Variants in CA1 observed in about 807,000 individuals in gnomAD.
CA1 encodes carbonic anhydrase 1.
A neutral mutation model predicts 28.8 loss-of-function variants in CA1; 27 were observed. The ratio of observed to expected loss-of-function variants is 0.94; its 90% CI spans 0.69 to 1.29. CA1 has a LOEUF of 1.29. Among genes scored for constraint, CA1 ranks in the 50% most tolerant of loss-of-function variants. The probability of loss-of-function intolerance (pLI) is 0.00; values close to 1 mark genes in which losing one functional copy is unlikely to be tolerated. For missense variants in CA1, 335 were observed against 310.5 expected (o/e 1.08, Z -0.59); for synonymous variants, 121 against 108.8 (o/e 1.11, Z -0.70).
intron 1 of CA1, among the ~76,000 whole-genome samples, chr8:85,349,394 A>G (rs535213398): frequency 6.6e-6 from 1 of 152,362 alleles, no homozygotes; most frequent in African/African-American, 2.4e-5. Flanking sequence ...CTCTGGGTCA[A>G]GAATTCTTCC....
chr8:85,369,763 T>G (rs1440303121), intron 1 of CA1, among the ~76,000 whole-genome samples: 1 of 147,010 alleles, frequency 6.8e-6, no homozygotes, highest in Non-Finnish European at 1.5e-5. Flanking sequence ...GGCACTATGG[T>G]GGGTTAATCT....
intron 7 of CA1, 151 bp downstream of exon 7, chr8:85,329,538 A>C (rs941725410): frequency 1.7e-5 from 13 of 776,766 alleles, no homozygotes; most frequent in Non-Finnish European, 2.4e-5. Context: ...TAGTTTAATA[A>C]ACCTATGTCC....
At chr8:85,342,983 A>G (rs981481467) in intron 1 of CA1, 6 of 152,106 alleles carry the variant, frequency 3.9e-5, no homozygotes, top group South Asian at 2.1e-4. Flanking sequence ...CTCCCATTCT[A>G]TGGCTTTAGT....
intron 1 of CA1, among the ~76,000 whole-genome samples, chr8:85,360,840 T>A (rs900029682): frequency 2.6e-5 from 4 of 152,196 alleles, no homozygotes; most frequent in African/African-American, 9.7e-5. Flanking sequence ...ACAAAATCTA[T>A]TTATCAAATC....
At position 85,344,503 on chromosome 8, in the gene CA1, G is replaced by A. The variant is rs958752304; in HGVS notation, c.-24-2844C>T. Among the ~76,000 whole-genome samples, 7 of 150,694 alleles carry A rather than the reference G, an allele frequency of 4.6e-5. No individual in the cohort carries two copies. In the East Asian group the frequency reaches 1.4e-3, roughly 29 times the overall value. On this transcript the variant is annotated intron_variant, in intron 1 of 7. Transcript: ENST00000523022. ...TGTTTTTAAGTATCTATTTAAATCA[G>A]TTTTAAATTATATTTAAGAGCCTTA...
At chr8:85,348,889 T>G (rs1184309572) in intron 1 of CA1, among the ~76,000 whole-genome samples, 1 of 152,146 alleles carries the variant, frequency 6.6e-6, no homozygotes, top group Non-Finnish European at 1.5e-5. Flanking sequence ...AATAGAAAAC[T>G]TTGTGGGCTA....
At chr8:85,367,951 G>C (rs989100548) in intron 1 of CA1, among the ~76,000 whole-genome samples, 1 of 151,900 alleles carries the variant, frequency 6.6e-6, no homozygotes, top group African/African-American at 2.4e-5. Flanking sequence ...TAAATTGAAA[G>C]TATTAAAGAA....
chr8:85,349,511 A>G (rs2130277446), intron 1 of CA1, among the ~76,000 whole-genome samples: 1 of 152,302 alleles, frequency 6.6e-6, no homozygotes, highest in Non-Finnish European at 1.5e-5. Context: ...ACCTCACAAC[A>G]GTCATTGTAG....
intron 1 of CA1, among the ~76,000 whole-genome samples, chr8:85,357,028 A>G (rs947193127): frequency 3.3e-5 from 5 of 152,202 alleles, no homozygotes; most frequent in African/African-American, 9.6e-5. Flanking sequence ...GAATGCCCTT[A>G]TCAGGGTCTG....
chr8:85,375,986 G>T (rs749510199), intron 1 of CA1, among the ~76,000 whole-genome samples: 1 of 152,196 alleles, frequency 6.6e-6, no homozygotes, highest in Admixed American at 6.5e-5. Flanking sequence ...CAGTCGAGTA[G>T]TGAATAATAT....
chr8:85,367,203 G>A (rs1810041008), intron 1 of CA1, among the ~76,000 whole-genome samples: 1 of 151,890 alleles, frequency 6.6e-6, no homozygotes, highest in African/African-American at 2.4e-5. Flanking sequence ...TTTATAAGAG[G>A]AAAAGAACGA....
chr8:85,331,450 AATTTATTT>A (rs57623488), intron 6 of CA1, among the ~76,000 whole-genome samples: 1 of 150,806 alleles, frequency 6.6e-6, no homozygotes, highest in African/African-American at 2.4e-5. Context: ...TTCTTTTCAA[AATTTATTT>A]ATTTATTTAT....
In CA1 at chr8:85,341,679, C is replaced by G; in HGVS notation, c.-24-20G>C. The G allele has an allele frequency of 7.6e-7, 1 of 1,308,036 alleles. No homozygotes were observed. Among genetic ancestry groups the G allele is most frequent in the Non-Finnish European group, 1.1e-6 (1 of 901,634 alleles). The allele number at this position is 1,308,036 out of a possible 1,614,324, so 81.0% of individuals were successfully genotyped here. A position where few individuals can be genotyped will look rare whatever the true frequency, so the allele number is the denominator to read the frequency against. Reference sequence around the variant, plus strand: ...CTTTTTCTGAAAACAAAAATAATACCTGGAATAACTAACTGCAACTGTGCA... The same window carrying G: ...CTTTTTCTGAAAACAAAAATAATACGTGGAATAACTAACTGCAACTGTGCA... On this transcript the variant is annotated intron_variant, in intron 1 of 7. Transcript: ENST00000523022.
At position 85,345,740 on chromosome 8, in the gene CA1, C is replaced by T. The variant is rs141581814; in HGVS notation, c.-24-4081G>A. Among the ~76,000 whole-genome samples, 327 of 152,212 alleles carry T rather than the reference C, an allele frequency of 2.1e-3. 2 individuals are homozygous for T. The highest frequency in any genetic ancestry group is 7.3e-3 in the African/African-American group (302 of 41,532). On this transcript the variant is annotated intron_variant, in intron 1 of 7. Transcript: ENST00000523022. ...GCATGTGAATGAGCTTTGCTATACT[C>T]ATGTTTGTTTTTGGATTAAGGAAAA...
intron 1 of CA1, among the ~76,000 whole-genome samples, chr8:85,365,306 G>A (rs1379680269): frequency 6.6e-6 from 1 of 152,152 alleles, no homozygotes; most frequent in Non-Finnish European, 1.5e-5. Flanking sequence ...AAAATTACAG[G>A]CACATAAATC....
intron 4 of CA1, among the ~76,000 whole-genome samples, chr8:85,334,491 CT>C (rs1234042381): frequency 6.6e-6 from 1 of 152,124 alleles, no homozygotes; most frequent in Non-Finnish European, 1.5e-5. Context: ...TTAAATAATT[CT>C]TTCCTGATCA....
chr8:85,351,403 C>T (rs773584989), intron 1 of CA1, among the ~76,000 whole-genome samples: 8 of 152,316 alleles, frequency 5.3e-5, no homozygotes, highest in East Asian at 3.9e-4. Flanking sequence ...CATCTTTTAG[C>T]GGCAGCTAGG....
At chr8:85,344,387 C>G (rs1809094958) in intron 1 of CA1, among the ~76,000 whole-genome samples, 1 of 144,376 alleles carries the variant, frequency 6.9e-6, no homozygotes, top group Non-Finnish European at 1.5e-5. Context: ...TTTATTAACA[C>G]CAATTAATTT....
chr8:85,356,360 T>G (rs1809605717), intron 1 of CA1, among the ~76,000 whole-genome samples: 1 of 152,120 alleles, frequency 6.6e-6, no homozygotes, highest in Admixed American at 6.6e-5. Context: ...AAGTGTCTCA[T>G]GAAAAGATAG....
Sources: gnomAD v4.1 joint callset for allele counts (sites outside exome capture counted in the v4.1 genomes callset) on GRCh38, gnomAD v4.1.1 for gene constraint, MANE v1.5 for transcripts, NCBI Gene and HGNC (gene_info 2026-07-23, HGNC 2026-07-21) for gene names.